The following WIPF3 variants were observed in gnomAD, a reference collection of about 807,000 sequenced individuals.
WIPF3 encodes the protein WAS/WASL-interacting protein family member 3.
WIPF3 carries 33 observed loss-of-function variants against 38.9 expected under a neutral mutation model. That is an observed-to-expected ratio of 0.85 (90% confidence interval 0.64 to 1.14). The LOEUF (loss-of-function observed/expected upper bound fraction) is 1.14, where lower values mean the gene tolerates loss of function less well. WIPF3 is among the 50% of genes most tolerant of loss of function. WIPF3 has a pLI of 0.00. For missense variants in WIPF3, 711 were observed against 652.5 expected, an observed-to-expected ratio of 1.09 and a Z score of -0.98; for synonymous variants, 324 against 269.3, an observed-to-expected ratio of 1.20 and a Z score of -1.99.
At chr7:29,872,541 C>T (rs1456338607) in intron 2 of WIPF3, among the ~76,000 whole-genome samples, 4 of 152,054 alleles carry the variant, frequency 2.6e-5, no homozygotes, top group Non-Finnish European at 5.9e-5. Context: ...CGCCTGTAAT[C>T]CCAGCACTTT....
chr7:29,842,381 C>T (rs943891837), intron 2 of WIPF3, among the ~76,000 whole-genome samples: 4 of 152,094 alleles, frequency 2.6e-5, no homozygotes, highest in Admixed American at 1.3e-4. Flanking sequence ...ACTGAGGTGC[C>T]GTATATTTCT....
chr7:29,850,549 A>C (rs1421738013), intron 2 of WIPF3, among the ~76,000 whole-genome samples: 1 of 152,242 alleles, frequency 6.6e-6, no homozygotes, highest in Non-Finnish European at 1.5e-5. Context: ...AGGGCAGGGC[A>C]GCGCCCCTTC....
rs549523673 is a variant in WIPF3, at chr7:29,832,095, T to G, written c.-57-2573T>G. Among the ~76,000 whole-genome samples the G allele has an allele frequency of 1.1e-4, 16 of 152,368 alleles. No individual in the cohort carries two copies. In the East Asian group the frequency reaches 3.1e-3, roughly 29 times the overall value. On this transcript the variant is annotated intron_variant, in intron 1 of 8. Coordinates refer to ENST00000242140, the MANE Select transcript of WIPF3 (RefSeq NM_001080529.3). ...TTTCACCAGGGGAAGCATTTCTGTCTCCTGTCATGTGTCTTAGTTAAAAGA... is the reference window on the plus strand; with the variant it reads ...TTTCACCAGGGGAAGCATTTCTGTCGCCTGTCATGTGTCTTAGTTAAAAGA...
intron 1 of WIPF3, among the ~76,000 whole-genome samples, chr7:29,809,799 G>T (rs185709378): frequency 1.3e-5 from 2 of 152,312 alleles, no homozygotes; most frequent in African/African-American, 4.8e-5. Flanking sequence ...CAGAGTAAAC[G>T]TGACAAAAAT....
At chr7:29,908,187 A>C (rs1786436616) in intron 8 of WIPF3, among the ~76,000 whole-genome samples, 1 of 152,248 alleles carries the variant, frequency 6.6e-6, no homozygotes, top group South Asian at 2.1e-4. Flanking sequence ...TGTGATCAAA[A>C]GAGAGCAGGG....
At chr7:29,855,580 CT>C (rs1245493756) in intron 2 of WIPF3, among the ~76,000 whole-genome samples, 1 of 152,174 alleles carries the variant, frequency 6.6e-6, no homozygotes, top group African/African-American at 2.4e-5. Context: ...TGTTGGCTCC[CT>C]TTTGGGGGCC....
At chr7:29,845,289 T>TA (rs1327635308) in intron 2 of WIPF3, among the ~76,000 whole-genome samples, 1 of 152,206 alleles carries the variant, frequency 6.6e-6, no homozygotes, top group Non-Finnish European at 1.5e-5. Context: ...CTGCTAGCAG[T>TA]GCGGGGCACA....
At chr7:29,912,300 A>G (rs527753513) in intron 8 of WIPF3, among the ~76,000 whole-genome samples, 1 of 152,332 alleles carries the variant, frequency 6.6e-6, no homozygotes, top group Non-Finnish European at 1.5e-5. Context: ...AGATGTGGAG[A>G]AAATGGAACC....
intron 2 of WIPF3, among the ~76,000 whole-genome samples, chr7:29,843,363 A>G (rs1366203806): frequency 6.6e-6 from 1 of 152,194 alleles, no homozygotes; most frequent in Non-Finnish European, 1.5e-5. Context: ...CAGCGATTAC[A>G]GACTCATAAT....
At chr7:29,908,847 G>A (rs1170504549) in intron 8 of WIPF3, among the ~76,000 whole-genome samples, 3 of 149,790 alleles carry the variant, frequency 2.0e-5, no homozygotes, top group Non-Finnish European at 4.4e-5. Context: ...GACAGAGGTT[G>A]CAGTAAGCCA....
chr7:29,875,803 A>G (rs951724556), intron 2 of WIPF3, 27 bp from the exon 3 acceptor site: 19 of 1,606,184 alleles, frequency 1.2e-5, no homozygotes, highest in Non-Finnish European at 1.5e-5. Context: ...ATGCTACTAT[A>G]GTCAAATCCC....
intron 8 of WIPF3, among the ~76,000 whole-genome samples, chr7:29,909,546 A>G (rs909151497): frequency 6.6e-6 from 1 of 152,214 alleles, no homozygotes; most frequent in Non-Finnish European, 1.5e-5. Flanking sequence ...TGGATGACCT[A>G]GATGAAATGG....
intron 7 of WIPF3, 82 bp from the exon 8 acceptor site, chr7:29,904,204 G>A: frequency 7.2e-7 from 1 of 1,385,146 alleles, no homozygotes; most frequent in Non-Finnish European, 1.0e-6. Flanking sequence ...TTTAAGTGCT[G>A]ATTTAGAGAA....
rs142064852 is a variant in WIPF3 at position 29,822,853 on chromosome 7, G to A, written c.-57-11815G>A. 3.9e-3 allele frequency among the ~76,000 whole-genome samples: 601 copies of A among 152,248 alleles called. 7 individuals are homozygous for A. The highest frequency in any genetic ancestry group is 0.014 in the African/African-American group (564 of 41,536). ...CAGATATTTTTACCGTCTTAAAACC[G>A]GAAGACCTTCTTGAACTTTATTTTG... On this transcript the variant is annotated intron_variant, in intron 1 of 8. Transcript: ENST00000242140.
intron 2 of WIPF3, among the ~76,000 whole-genome samples, chr7:29,869,172 G>A (rs993690055): frequency 2.7e-5 from 1 of 37,360 alleles, no homozygotes; most frequent in African/African-American, 9.5e-5. Flanking sequence ...TGGGATTACA[G>A]GCATGTGCCA....
intron 8 of WIPF3, among the ~76,000 whole-genome samples, chr7:29,911,934 G>A (rs1786512559): frequency 6.6e-6 from 1 of 152,044 alleles, no homozygotes; most frequent in Non-Finnish European, 1.5e-5. Context: ...AAGCAAACTG[G>A]ATTTCATGAA....
intron 2 of WIPF3, among the ~76,000 whole-genome samples, chr7:29,838,605 A>G (rs980357721): frequency 6.6e-6 from 1 of 152,222 alleles, no homozygotes; most frequent in African/African-American, 2.4e-5. Flanking sequence ...AATGTTGGCA[A>G]GGATGTGGAG....
rs868656530 is a variant in WIPF3 at position 29,894,473 on chromosome 7, G to A, written c.1351+5066G>A. Among the ~76,000 whole-genome samples the A allele has an allele frequency of 5.3e-5, 8 of 152,314 alleles. No individual in the cohort carries two copies. The South Asian group carries it at 1.0e-3, about 20-fold the overall frequency. ...TTGATGTGGCATCGGTGGACACGAA[G>A]TACTCCACTAGCCTCCCAGCAAAAT... On this transcript the variant is annotated intron_variant, in intron 7 of 8. Transcript: ENST00000242140.
At chr7:29,857,525 A>C (rs2128069958) in intron 2 of WIPF3, among the ~76,000 whole-genome samples, 1 of 152,050 alleles carries the variant, frequency 6.6e-6, no homozygotes, top group Admixed American at 6.6e-5. Context: ...TGACAAAATA[A>C]ACCAGAAAGC....
Sources: gnomAD v4.1 joint callset for allele counts (sites outside exome capture counted in the v4.1 genomes callset) on GRCh38, gnomAD v4.1.1 for gene constraint, MANE v1.5 for transcripts, NCBI Gene and HGNC (gene_info 2026-07-23, HGNC 2026-07-21) for gene names.